Variants in AFF2 observed in about 807,000 individuals in gnomAD.
AFF2 encodes the protein AF4/FMR2 family member 2.
A neutral mutation model predicts 76.9 loss-of-function variants in AFF2; 14 were observed. The ratio of observed to expected loss-of-function variants is 0.18; its 90% CI spans 0.12 to 0.28. The LOEUF (loss-of-function observed/expected upper bound fraction) is 0.28. Ranked by LOEUF, AFF2 falls within the 10% of genes least tolerant of loss-of-function variation. The pLI, the probability that AFF2 is intolerant of heterozygous loss-of-function variation, is 1.00. For missense variants in AFF2, 868 were observed against 1,001.1 expected, an observed-to-expected ratio of 0.87 and a Z score of 1.79; for synonymous variants, 398 against 366.7, an observed-to-expected ratio of 1.09 and a Z score of -0.98.
At chrX:148,641,995 G>A (rs1338530489) in intron 1 of AFF2, among the ~76,000 whole-genome samples, 2 of 112,307 alleles carry the variant, frequency 1.8e-5, no homozygotes, top group African/African-American at 3.2e-5. Context: ...ATTGTGGGTT[G>A]ATGCAATTTA....
intron 8 of AFF2, among the ~76,000 whole-genome samples, 167 bp downstream of exon 8, chrX:148,886,152 A>G (rs2071157293): frequency 8.9e-6 from 1 of 111,860 alleles, no homozygotes; most frequent in African/African-American, 3.3e-5. Context: ...AGGTCAAATC[A>G]GTTCAAACTT....
intron 3 of AFF2, among the ~76,000 whole-genome samples, chrX:148,792,310 G>A (rs1288718226): frequency 3.6e-5 from 4 of 112,269 alleles, no homozygotes; most frequent in African/African-American, 6.5e-5. Flanking sequence ...AAAATTAGCC[G>A]GGCATGGTGG....
At chrX:148,819,868 G>T (rs1229542980) in intron 4 of AFF2, among the ~76,000 whole-genome samples, 1 of 111,370 alleles carries the variant, frequency 9.0e-6, no homozygotes, top group Non-Finnish European at 1.9e-5. Flanking sequence ...ACGATTTATT[G>T]AAAAGATTGT....
intron 9 of AFF2, among the ~76,000 whole-genome samples, chrX:148,939,091 A>G (rs2071804769): frequency 8.9e-6 from 1 of 111,958 alleles, no homozygotes; most frequent in Non-Finnish European, 1.9e-5. Context: ...AAGGAAGAGG[A>G]GGAGCAGGAG....
At chrX:148,631,061 C>G (rs782456470) in intron 1 of AFF2, among the ~76,000 whole-genome samples, 111 of 112,076 alleles carry the variant, frequency 9.9e-4, no homozygotes, top group Non-Finnish European at 1.1e-3. Flanking sequence ...TAAGAAATAA[C>G]CTGATGCCAT....
At chrX:148,978,291 C>A in intron 17 of AFF2, 71 bp from the exon 18 acceptor site, 2 of 724,922 alleles carry the variant, frequency 2.8e-6, no homozygotes, top group South Asian at 2.4e-5. Flanking sequence ...TGTGAATCAG[C>A]AGTCTTCTTA....
At position 148,552,105 on chromosome X, in the gene AFF2, C is replaced by G. The variant is rs1460452895; in HGVS notation, c.47+50961C>G. On this transcript the variant is annotated intron_variant, in intron 1 of 20. Coordinates refer to ENST00000370460, the MANE Select transcript of AFF2 (RefSeq NM_002025.4). ...AACTAGAAGCTTGTACTCGGTCTCT[C>G]ATGGACCCCACCATGTGTACCTTTT... Among the ~76,000 whole-genome samples the G allele has an allele frequency of 5.3e-5, 6 of 112,753 alleles. No homozygotes were observed. The Admixed American group carries it at 5.6e-4, about 11-fold the overall frequency.
intron 6 of AFF2, 141 bp downstream of exon 6, chrX:148,843,143 C>A: frequency 1.9e-6 from 1 of 523,317 alleles, no homozygotes; most frequent in South Asian, 4.4e-5. Context: ...ATTTTTAGCT[C>A]TCAGAAATAA....
In AFF2 at chrX:148,643,646, A is replaced by G. The variant is rs1423802852; in HGVS notation, c.48-8353A>G. On this transcript the variant is annotated intron_variant, in intron 1 of 20. Transcript: ENST00000370460. ...GGGATCCTTAGATATCTATTGTGCA[A>G]TAGAGCTGTGGTAGGGTATGTGCAT... 2.0e-4 allele frequency among the ~76,000 whole-genome samples: 23 copies of G among 112,250 alleles called. No homozygotes were observed. The Admixed American group carries it at 2.1e-3, about 10-fold the overall frequency.
rs1161221372 is a variant in AFF2, at chrX:148,849,384, C to G, written c.1262+5951C>G. 6.0e-4 allele frequency among the ~76,000 whole-genome samples: 11 copies of G among 18,240 alleles called. 2 individuals carry two copies. Among genetic ancestry groups the G allele is most frequent in the South Asian group, 6.7e-3 (1 of 149 alleles). 15.8% of individuals were successfully genotyped at this position (18,240 alleles called of 115,157 possible). On this transcript the variant is annotated intron_variant, in intron 7 of 20. Coordinates refer to ENST00000370460, the MANE Select transcript of AFF2 (RefSeq NM_002025.4). The stretch of plus-strand genomic sequence containing the variant: ...TCTCTCCTCCCCCCCCCCCCCCCCC[C>G]CCGCTGACCACCCCTCTCTCTCCTT...
At chrX:148,556,656 T>C (rs2053055611) in intron 1 of AFF2, among the ~76,000 whole-genome samples, 1 of 112,501 alleles carries the variant, frequency 8.9e-6, no homozygotes, top group African/African-American at 3.2e-5. Context: ...AGATAAGAAG[T>C]TGACTTGCTA....
chrX:148,647,811 G>A (rs1052144433), intron 1 of AFF2, among the ~76,000 whole-genome samples: 10 of 110,661 alleles, frequency 9.0e-5, no homozygotes, highest in Non-Finnish European at 1.7e-4. Context: ...GTAAAATGAG[G>A]GCACTGCAAC....
intron 1 of AFF2, among the ~76,000 whole-genome samples, chrX:148,543,625 C>G (rs567808970): frequency 8.9e-6 from 1 of 111,919 alleles, no homozygotes; most frequent in South Asian, 3.7e-4. Context: ...GAGAGAAAAT[C>G]TGGAGATGTA....
At position 148,969,160 on chromosome X, in the gene AFF2, A is replaced by G. The variant is rs905220268; in HGVS notation, c.3267+1468A>G. On this transcript the variant is annotated intron_variant, in intron 15 of 20. Coordinates refer to ENST00000370460, the MANE Select transcript of AFF2 (RefSeq NM_002025.4). ...TATGATTATGAACTAACATCACTCT[A>G]CATTCCAAGGTTGTGTTTATATGTA... Among the ~76,000 whole-genome samples, 12 of 112,897 alleles carry G rather than the reference A, an allele frequency of 1.1e-4. 1 individual carries two copies. The highest frequency in any genetic ancestry group is 1.9e-4 in the Non-Finnish European group (10 of 53,357).
At chrX:148,573,468 C>T (rs1557242842) in intron 1 of AFF2, among the ~76,000 whole-genome samples, 1 of 110,848 alleles carries the variant, frequency 9.0e-6, no homozygotes, top group East Asian at 2.8e-4. Context: ...ATGCGATAAT[C>T]GATACTAACC....
chrX:148,833,255 G>A lies in AFF2; in HGVS notation c.1087-4392G>A, dbSNP rs181970275. ...GCTCATTCCCCTCTCAAGGTGATTCGCATGTCAGGCAGTGAACGCTTCAAA... is the reference window on the plus strand; with the variant it reads ...GCTCATTCCCCTCTCAAGGTGATTCACATGTCAGGCAGTGAACGCTTCAAA... On this transcript the variant is annotated intron_variant, in intron 4 of 20. Transcript: ENST00000370460. 3.3e-4 allele frequency among the ~76,000 whole-genome samples: 37 copies of A among 111,314 alleles called. No individual in the cohort carries two copies. In the East Asian group the frequency reaches 4.2e-3, roughly 13 times the overall value.
chrX:148,889,802 A>G (rs781974905), intron 8 of AFF2, among the ~76,000 whole-genome samples: 1 of 111,507 alleles, frequency 9.0e-6, no homozygotes, highest in South Asian at 3.8e-4. Flanking sequence ...AAACTGGTTG[A>G]CCTTGGGCAA....
At chrX:148,554,079 G>C (rs1379980392) in intron 1 of AFF2, among the ~76,000 whole-genome samples, 1 of 112,124 alleles carries the variant, frequency 8.9e-6, no homozygotes, top group Non-Finnish European at 1.9e-5. Flanking sequence ...GTGTCACCTT[G>C]AGCCAATTGC....
At chrX:148,806,550 G>C (rs782731255) in intron 3 of AFF2, among the ~76,000 whole-genome samples, 2 of 111,930 alleles carry the variant, frequency 1.8e-5, no homozygotes, top group East Asian at 2.8e-4. Flanking sequence ...AATTTGCATG[G>C]AGTCTTGAAG....
Sources: gnomAD v4.1 joint callset for allele counts (sites outside exome capture counted in the v4.1 genomes callset) on GRCh38, gnomAD v4.1.1 for gene constraint, MANE v1.5 for transcripts, NCBI Gene and HGNC (gene_info 2026-07-23, HGNC 2026-07-21) for gene names.